UGT1A7: variants seen among roughly 807,000 people sequenced by gnomAD.
UGT1A7 encodes UDP-glucuronosyltransferase 1A7.
UGT1A7 carries 33 observed loss-of-function variants against 45.6 expected under a neutral mutation model. The observed-to-expected ratio is 0.72, with a 90% CI of 0.55 to 0.97. UGT1A7 has a LOEUF of 0.97. Among genes scored for constraint, UGT1A7 ranks in the 50% least tolerant of loss-of-function variants. The pLI is 0.00. For synonymous variants in UGT1A7, 274 were observed against 250.6 expected (o/e 1.09, Z -0.88); for missense variants, 684 against 666.2 (o/e 1.03, Z -0.29).
intron 1 of UGT1A7, among the ~76,000 whole-genome samples, chr2:233,704,802 A>G (rs2075807497): frequency 6.6e-6 from 1 of 152,142 alleles, no homozygotes; most frequent in Non-Finnish European, 1.5e-5. Context: ...ATAATTATAT[A>G]TATGTATATT....
At chr2:233,726,191 A>G (rs942571652) in intron 1 of UGT1A7, among the ~76,000 whole-genome samples, 1 of 152,194 alleles carries the variant, frequency 6.6e-6, no homozygotes, top group Non-Finnish European at 1.5e-5. Context: ...TCTTTGGCAT[A>G]TGGAAATCTT....
chr2:233,726,835 ATT>A (rs1243429736), intron 1 of UGT1A7, among the ~76,000 whole-genome samples: 1 of 152,090 alleles, frequency 6.6e-6, no homozygotes, highest in African/African-American at 2.4e-5. Flanking sequence ...TTTAAATTTA[ATT>A]TTTGTTCCTT....
chr2:233,767,623 T>C (rs188657722), intron 2 of UGT1A7, among the ~76,000 whole-genome samples: 5 of 152,322 alleles, frequency 3.3e-5, no homozygotes, highest in African/African-American at 1.2e-4. Flanking sequence ...GTGCACAGCT[T>C]GATAAATTAT....
intron 1 of UGT1A7, among the ~76,000 whole-genome samples, chr2:233,727,281 G>A (rs1431266686): frequency 6.6e-6 from 1 of 152,122 alleles, no homozygotes; most frequent in Non-Finnish European, 1.5e-5. Flanking sequence ...CCAGACCCTG[G>A]AAGCTGATGA....
chr2:233,754,940 G>C (rs777236330), intron 1 of UGT1A7: 1 of 1,335,680 alleles, frequency 7.5e-7, no homozygotes, highest in Admixed American at 1.9e-5. Flanking sequence ...GGTCAAAGGA[G>C]AATGGGTCCC....
rs3892170 is a variant in UGT1A7 at position 233,713,766 on chromosome 2, G to C, written c.855+30974G>C. ...CCATGCATCTGTGTGGCTGTTCCGA[G>C]GGGACTTTGTGATGGATTACCCCAG... is the stretch of plus-strand genomic sequence containing the variant. On this transcript the variant is annotated intron_variant, in intron 1 of 4. Transcript: ENST00000373426. The C allele has an allele frequency of 0.091, 144,162 of 1,587,116 alleles. 8,641 individuals are homozygous for C. Among genetic ancestry groups the C allele is most frequent in the South Asian group, 0.18 (15,878 of 87,328 alleles).
intron 1 of UGT1A7, chr2:233,753,738 G>A (rs1695291371): frequency 6.6e-6 from 1 of 152,194 alleles, no homozygotes. Flanking sequence ...CCCAAGCACA[G>A]CAATAGGACA....
chr2:233,756,647 A>G (rs924838506), intron 1 of UGT1A7, among the ~76,000 whole-genome samples: 33 of 152,308 alleles, frequency 2.2e-4, no homozygotes, highest in African/African-American at 5.1e-4. Flanking sequence ...GGGGATAAAC[A>G]TGGGATGCAG....
chr2:233,693,611 A>G (rs1423413232), intron 1 of UGT1A7: 20 of 1,614,080 alleles, frequency 1.2e-5, no homozygotes, highest in Non-Finnish European at 1.4e-5. Flanking sequence ...TTCAGACCAC[A>G]TGACTTTTTC....
chr2:233,693,131 A>G, intron 1 of UGT1A7: 1 of 1,614,212 alleles, frequency 6.2e-7, no homozygotes, highest in Non-Finnish European at 8.5e-7. Flanking sequence ...GCTTAGTATG[A>G]AGGATATAGT....
intron 1 of UGT1A7, chr2:233,760,610 G>C: frequency 1.2e-6 from 2 of 1,614,182 alleles, no homozygotes; most frequent in Non-Finnish European, 1.7e-6. Context: ...TTCCTGCAGC[G>C]TGTGATCAAA....
intron 1 of UGT1A7, among the ~76,000 whole-genome samples, chr2:233,685,567 C>T (rs1191713801): frequency 6.6e-6 from 1 of 152,184 alleles, no homozygotes; most frequent in African/African-American, 2.4e-5. Flanking sequence ...TCAAATTTAC[C>T]TGTTACTGGG....
chr2:233,742,429 C>T (rs1691973913), intron 1 of UGT1A7, among the ~76,000 whole-genome samples: 1 of 151,970 alleles, frequency 6.6e-6, no homozygotes, highest in Non-Finnish European at 1.5e-5. Flanking sequence ...AGCGGTTTTC[C>T]TCCCTGGGTG....
At chr2:233,719,633 C>G in intron 1 of UGT1A7, 1 of 1,614,046 alleles carries the variant, frequency 6.2e-7, no homozygotes, top group Non-Finnish European at 8.5e-7. Flanking sequence ...CGATCATGCC[C>G]AACATGGTCT....
intron 1 of UGT1A7, chr2:233,693,460 C>T (rs1488589072): frequency 1.2e-6 from 2 of 1,614,146 alleles, no homozygotes; most frequent in South Asian, 2.2e-5. Flanking sequence ...CAGACCCAGC[C>T]TTACCCTGTG....
Position 233,693,985 on chromosome 2 carries a change from A to T in UGT1A7, c.855+11193A>T. On this transcript the variant is annotated intron_variant, in intron 1 of 4. Coordinates refer to ENST00000373426, the MANE Select transcript of UGT1A7 (RefSeq NM_019077.3). Reference sequence around the variant, plus strand: ...ATTTCCTGGAGAAACGGTGGGGGGAAGTGATACCCGGCTCGGAGCAGCGGG... The same window carrying T: ...ATTTCCTGGAGAAACGGTGGGGGGATGTGATACCCGGCTCGGAGCAGCGGG... 3 of 1,547,250 alleles carry T rather than the reference A, an allele frequency of 1.9e-6. No individual in the cohort carries two copies. The Admixed American group carries it at 5.6e-5, about 29-fold the overall frequency.
chr2:233,748,696 G>A (rs1384133711), intron 1 of UGT1A7, among the ~76,000 whole-genome samples: 1 of 151,680 alleles, frequency 6.6e-6, no homozygotes, highest in Non-Finnish European at 1.5e-5. Context: ...GATTTTTCTG[G>A]TCAGGATTTG....
At position 233,760,866 on chromosome 2, in the gene UGT1A7, G is replaced by A. The variant is rs1437871677; in HGVS notation, c.856-6168G>A. On this transcript the variant is annotated intron_variant, in intron 1 of 4. Transcript: ENST00000373426. ...AGTGCCCCAACCCATTCTCCTACGT[G>A]CCCAGGCCTCTCTCCTCTCATTCAG... is the stretch of plus-strand genomic sequence containing the variant. 3.7e-6 allele frequency: 6 copies of A among 1,613,948 alleles called. No homozygotes were observed. In the African/African-American group the frequency reaches 8.0e-5, roughly 22 times the overall value.
intron 1 of UGT1A7, among the ~76,000 whole-genome samples, chr2:233,705,617 C>T (rs2075860928): frequency 6.6e-6 from 1 of 152,152 alleles, no homozygotes; most frequent in South Asian, 2.1e-4. Context: ...AGAGAAGAAA[C>T]TGAGTTGACA....
Sources: allele counts gnomAD v4.1 joint callset (sites outside exome capture counted in the v4.1 genomes callset), GRCh38; gene constraint gnomAD v4.1.1; transcripts MANE v1.5; gene names NCBI Gene and HGNC (gene_info 2026-07-23, HGNC 2026-07-21).